XPO7: variants seen among roughly 807,000 people sequenced by gnomAD.
XPO7 encodes exportin-7.
XPO7 carries 21 observed loss-of-function variants against 144.3 expected under a neutral mutation model. The ratio of observed to expected loss-of-function variants is 0.15; its 90% CI spans 0.10 to 0.21. The LOEUF (loss-of-function observed/expected upper bound fraction) is 0.21. XPO7 is among the 10% of genes least tolerant of loss of function. The pLI, the probability that XPO7 is intolerant of heterozygous loss-of-function variation, is 1.00. For missense variants in XPO7, 808 were observed against 1,325.8 expected, an observed-to-expected ratio of 0.61 and a Z score of 6.06; for synonymous variants, 580 against 499.6, an observed-to-expected ratio of 1.16 and a Z score of -2.15.
intron 24 of XPO7, among the ~76,000 whole-genome samples, chr8:22,001,409 CCCTTTGT>C (rs1329287410): frequency 6.6e-6 from 1 of 152,110 alleles, no homozygotes; most frequent in African/African-American, 2.4e-5. Context: ...AGGGTTCAGC[CCCTTTGT>C]CCTTTGGCCT....
rs1563336942 is a variant in XPO7, at chr8:21,994,360, C to T, written c.2149-3C>T. Reference sequence around the variant, plus strand: ...TTTAACACATTTTTGCCTTCTACTACAGCGAACTCTAGTTGGCCTAGTAAG... The same window carrying T: ...TTTAACACATTTTTGCCTTCTACTATAGCGAACTCTAGTTGGCCTAGTAAG... On this transcript the variant is annotated splice_region_variant and splice_polypyrimidine_tract_variant and intron_variant, in intron 19 of 27. Transcript: ENST00000252512. 2 of 1,610,942 alleles carry T rather than the reference C, an allele frequency of 1.2e-6. No individual in the cohort carries two copies. The highest frequency in any genetic ancestry group is 1.1e-5 in the South Asian group (1 of 90,882).
chr8:21,979,036 G>A (rs1812316881), intron 8 of XPO7, among the ~76,000 whole-genome samples: 1 of 152,188 alleles, frequency 6.6e-6, no homozygotes, highest in African/African-American at 2.4e-5. Flanking sequence ...GGAACAGAGG[G>A]AAATGTCTTC....
intron 10 of XPO7, among the ~76,000 whole-genome samples, chr8:21,982,228 CA>C (rs1196433524): frequency 6.6e-6 from 1 of 152,166 alleles, no homozygotes; most frequent in East Asian, 1.9e-4. Context: ...CAATGGGTCT[CA>C]AATTTTATGG....
In XPO7 at chr8:21,994,356, A is replaced by G. The variant is rs1298506611; in HGVS notation, c.2149-7A>G. ...CTATTTTAACACATTTTTGCCTTCT[A>G]CTACAGCGAACTCTAGTTGGCCTAG... On this transcript the variant is annotated splice_region_variant and splice_polypyrimidine_tract_variant and intron_variant, in intron 19 of 27. Transcript: ENST00000252512. 6.2e-7 allele frequency: 1 copy of G among 1,610,658 alleles called. No individual in the cohort carries two copies. Among genetic ancestry groups the G allele is most frequent in the African/African-American group, 1.3e-5 (1 of 74,978 alleles).
chr8:21,986,076 A>G (rs1812568829), intron 13 of XPO7, among the ~76,000 whole-genome samples: 1 of 151,618 alleles, frequency 6.6e-6, no homozygotes, highest in African/African-American at 2.4e-5. Context: ...AGCCTTTCAA[A>G]TCTCTTGGCC....
intron 1 of XPO7, among the ~76,000 whole-genome samples, chr8:21,926,923 C>T (rs1436750535): frequency 6.6e-6 from 1 of 152,184 alleles, no homozygotes; most frequent in Non-Finnish European, 1.5e-5. Context: ...CTGGGGCATA[C>T]CCAAGAATTT....
chr8:21,980,326 G>A, intron 9 of XPO7, 123 bp downstream of exon 9: 16 of 1,216,318 alleles, frequency 1.3e-5, no homozygotes, highest in Non-Finnish European at 1.7e-5. Context: ...GAAGACTGAA[G>A]TGAATCTCTA....
intron 16 of XPO7, among the ~76,000 whole-genome samples, chr8:21,989,336 G>A (rs1269515625): frequency 1.3e-5 from 2 of 152,210 alleles, no homozygotes; most frequent in South Asian, 2.1e-4. Context: ...AGTTCCAGAA[G>A]TGCATAGTAG....
At position 21,990,822 on chromosome 8, in the gene XPO7, T is replaced by A; in HGVS notation, c.1944T>A (p.Phe648Leu). ...CTTTTTTTCAATAGAGCGAGCACTT[T>A]TCATTTTTGGGTATTAACAATCAGT... Reference protein sequence around the residue: ...FMLNNHTSEHFSFLGINNQSN... With the variant: ...FMLNNHTSEHLSFLGINNQSN... Residue 648 changes from phenylalanine to leucine, a missense_variant, in exon 18 of 28, where the codon TTT becomes TTA. By Grantham distance (22) the Phe-to-Leu change is conservative. Around this residue, in one of 5 missense-constraint regions of XPO7, gnomAD observed 416 missense variants for 612.5 expected, o/e 0.68. Coordinates refer to ENST00000252512, the MANE Select transcript of XPO7 (RefSeq NM_015024.5). 1 of 1,613,952 alleles carries A rather than the reference T, an allele frequency of 6.2e-7. No homozygotes were observed. The highest frequency in any genetic ancestry group is 8.5e-7 in the Non-Finnish European group (1 of 1,179,866).
chr8:21,954,380 A>T (rs1585437029), intron 1 of XPO7, among the ~76,000 whole-genome samples: 1 of 152,342 alleles, frequency 6.6e-6, no homozygotes, highest in African/African-American at 2.4e-5. Flanking sequence ...TTACACCTGT[A>T]ATCCCAGCAC....
intron 1 of XPO7, among the ~76,000 whole-genome samples, chr8:21,965,868 G>T (rs1430292635): frequency 6.6e-6 from 1 of 152,156 alleles, no homozygotes; most frequent in Non-Finnish European, 1.5e-5. Context: ...TGTCAGAATT[G>T]TCCTTTCTAA....
Position 21,985,537 on chromosome 8 carries a change from T to C in XPO7, c.1472-49T>C, listed in dbSNP as rs768693766. ...AAGGAAGTTCAGAGTGAGGAATGTCTTCAAGAAACTATCACTGGAGGTGAC... is the reference window on the plus strand; with the variant it reads ...AAGGAAGTTCAGAGTGAGGAATGTCCTCAAGAAACTATCACTGGAGGTGAC... On this transcript the variant is annotated intron_variant, in intron 12 of 27. Transcript: ENST00000252512. 1.1e-5 allele frequency: 17 copies of C among 1,546,654 alleles called. No homozygotes were observed. The South Asian group carries it at 1.8e-4, about 16-fold the overall frequency.
chr8:21,966,715 T>C lies in XPO7; in HGVS notation c.19-142T>C, dbSNP rs1459245887. ...AAGAGACCTATAAATGGTTATTAGGTGAATGTTACCCAGGTTCTCCTCAGT... is the reference window on the plus strand; with the variant it reads ...AAGAGACCTATAAATGGTTATTAGGCGAATGTTACCCAGGTTCTCCTCAGT... On this transcript the variant is annotated intron_variant, in intron 1 of 27. Transcript: ENST00000252512. The C allele has an allele frequency of 4.2e-6, 5 of 1,182,160 alleles. No individual in the cohort carries two copies. The East Asian group carries it at 1.3e-4, about 31-fold the overall frequency. 73.2% of individuals were successfully genotyped at this position (1,182,160 alleles called of 1,614,324 possible). A position where few individuals can be genotyped will look rare whatever the true frequency, so the allele number is the denominator to read the frequency against.
chr8:21,929,340 G>A (rs1810567641), intron 1 of XPO7, among the ~76,000 whole-genome samples: 1 of 152,208 alleles, frequency 6.6e-6, no homozygotes, highest in South Asian at 2.1e-4. Context: ...GTGTGTGAAT[G>A]CAAATGGATA....
At chr8:21,961,471 C>T (rs773190028) in intron 1 of XPO7, among the ~76,000 whole-genome samples, 24 of 152,094 alleles carry the variant, frequency 1.6e-4, no homozygotes, top group Non-Finnish European at 2.9e-4. Context: ...CCACCTCAGC[C>T]TCCTGAAGTG....
At chr8:21,982,834 C>G (rs1439975015) in intron 11 of XPO7, 22 bp downstream of exon 11, 1 of 1,576,270 alleles carries the variant, frequency 6.3e-7, no homozygotes, top group South Asian at 1.2e-5. Flanking sequence ...TAGCCTCATT[C>G]ATTCCCGCAC....
rs181782745 is a variant in XPO7, at chr8:21,991,840, G to T, written c.2042-28G>T. 3.5e-5 allele frequency: 56 copies of T among 1,579,388 alleles called. No individual in the cohort carries two copies. In the African/African-American group the frequency reaches 7.1e-4, roughly 20 times the overall value. On this transcript the variant is annotated intron_variant, in intron 18 of 27. Transcript: ENST00000252512. ...ACAGCTTTGAATTCTTGGTATTGGG[G>T]TTACACCCTGGGATGTTTCCTTTAC...
intron 10 of XPO7, among the ~76,000 whole-genome samples, chr8:21,982,410 T>C (rs895316405): frequency 1.3e-5 from 2 of 152,298 alleles, no homozygotes; most frequent in African/African-American, 4.8e-5. Flanking sequence ...TGGCTTTCCT[T>C]ATGGTAAGGC....
intron 1 of XPO7, among the ~76,000 whole-genome samples, chr8:21,925,011 T>G: frequency 6.6e-6 from 1 of 152,246 alleles, no homozygotes; most frequent in Non-Finnish European, 1.5e-5. Flanking sequence ...ACAACAAGCC[T>G]GGTCATTGAG....
Sources: gnomAD v4.1 joint callset for allele counts (sites outside exome capture counted in the v4.1 genomes callset) on GRCh38, gnomAD v4.1.1 for gene constraint, gnomAD v4.1.1 regional missense constraint, MANE v1.5 for transcripts, NCBI Gene and HGNC (gene_info 2026-07-23, HGNC 2026-07-21) for gene names.